Variants in TBCEL observed in about 807,000 individuals in gnomAD.
The protein encoded by TBCEL is tubulin folding cofactor E like.
TBCEL carries 15 observed loss-of-function variants against 44.2 expected under a neutral mutation model. That is an observed-to-expected ratio of 0.34 (90% CI 0.23 to 0.52). TBCEL has a LOEUF of 0.52. TBCEL is among the 20% of genes least tolerant of loss of function. The probability of loss-of-function intolerance (pLI) is 0.95; values close to 1 mark genes in which losing one functional copy is unlikely to be tolerated. For synonymous variants in TBCEL, 171 were observed against 185.4 expected, an observed-to-expected ratio of 0.92 and a Z score of 0.63; for missense variants, 319 against 506.3, an observed-to-expected ratio of 0.63 and a Z score of 3.55.
intron 8 of TBCEL, among the ~76,000 whole-genome samples, chr11:121,063,237 G>C (rs1362311783): frequency 6.6e-6 from 1 of 151,930 alleles, no homozygotes. Flanking sequence ...TGTTTCCTCT[G>C]ATCTTGGGAC....
chr11:121,073,491 G>A (rs975783829), intron 8 of TBCEL, among the ~76,000 whole-genome samples: 1 of 151,734 alleles, frequency 6.6e-6, no homozygotes, highest in African/African-American at 2.4e-5. Context: ...TGCTGATCCT[G>A]TGTCTGTCAG....
rs1945599233 is a variant in TBCEL at position 121,055,290 on chromosome 11, A to G, written c.694A>G (p.Ile232Val). The change falls in exon 6 of 9, where the codon ATC becomes GTC. Residue 232 changes from isoleucine (I) to valine (V), a missense_variant. By Grantham distance (29) the Ile-to-Val change is conservative. Coordinates refer to ENST00000683345, the MANE Select transcript of TBCEL (RefSeq NM_001363644.2). ...LARLFPNLRS[I>V]SLHKSGLQSW... ...CAGGTTGTTTCCTAATCTTCGATCC[A>G]TCAGCCTCCACAAGTCAGGTGAGGT... 1.2e-6 allele frequency: 2 copies of G among 1,609,738 alleles called. No individual in the cohort carries two copies. Among genetic ancestry groups the G allele is most frequent in the Non-Finnish European group, 1.7e-6 (2 of 1,177,770 alleles).
At chr11:121,072,049 C>T (rs1018977660) in intron 8 of TBCEL, among the ~76,000 whole-genome samples, 7 of 152,304 alleles carry the variant, frequency 4.6e-5, no homozygotes, top group Admixed American at 3.3e-4. Flanking sequence ...CATTCTCCTT[C>T]GTGCACCATG....
chr11:121,025,744 C>G (rs1238100119), intron 1 of TBCEL, among the ~76,000 whole-genome samples: 1 of 148,168 alleles, frequency 6.7e-6, no homozygotes, highest in Non-Finnish European at 1.5e-5. Flanking sequence ...TTATTTTGGC[C>G]GGGGGAGAGG....
At chr11:121,035,132 A>G (rs1945208425) in intron 1 of TBCEL, 1 of 152,204 alleles carries the variant, frequency 6.6e-6, no homozygotes, top group African/African-American at 2.4e-5. Context: ...GGTAGTAGTA[A>G]TAGGGGAAGC....
chr11:121,090,460 A>G lies in TBCEL; in HGVS notation c.*3364A>G, dbSNP rs754571734. 6.6e-6 allele frequency: 1 copy of G among 152,044 alleles called. No homozygotes were observed. The highest frequency in any genetic ancestry group is 1.5e-5 in the Non-Finnish European group (1 of 68,004). The allele number at this position is 152,044 out of a possible 1,614,324, so 9.4% of individuals were successfully genotyped here. On this transcript the variant is annotated 3_prime_UTR_variant, in exon 9 of 9. Transcript: ENST00000683345. ...TGAATTTGATTTTTCCCTTCATTTC[A>G]TGTCATATTGAAAATGCAAACAAAC...
At chr11:121,031,627 G>T in intron 1 of TBCEL, among the ~76,000 whole-genome samples, 1 of 137,282 alleles carries the variant, frequency 7.3e-6, no homozygotes, top group Non-Finnish European at 1.6e-5. Flanking sequence ...TGTTTTTAAT[G>T]TCTTTTGATG....
chr11:121,052,604 A>G (rs186961916), intron 4 of TBCEL, among the ~76,000 whole-genome samples: 55 of 151,968 alleles, frequency 3.6e-4, no homozygotes, highest in African/African-American at 1.3e-3. Context: ...CATTTATTTC[A>G]TACTTGTTTA....
chr11:121,039,325 T>C (rs1006697538), intron 2 of TBCEL, among the ~76,000 whole-genome samples: 3 of 152,254 alleles, frequency 2.0e-5, no homozygotes, highest in Admixed American at 2.0e-4. Context: ...ACTTCCTTGA[T>C]CACACTTCTG....
intron 8 of TBCEL, among the ~76,000 whole-genome samples, chr11:121,060,375 A>C (rs1171523558): frequency 6.6e-6 from 1 of 151,752 alleles, no homozygotes; most frequent in Admixed American, 6.6e-5. Context: ...TTCTTTTTTG[A>C]TCTTTTTCTT....
chr11:121,088,557 G>A lies in TBCEL; in HGVS notation c.*1461G>A, dbSNP rs923006609. On this transcript the variant is annotated 3_prime_UTR_variant, in exon 9 of 9. Transcript: ENST00000683345. ...ATACTTAGCATAACTGGGGCAGAAA[G>A]TGTGTAAGTGAAGTATTTTTCAAAG... 6.6e-6 allele frequency: 1 copy of A among 152,194 alleles called. No individual in the cohort carries two copies. The highest frequency in any genetic ancestry group is 2.4e-5 in the African/African-American group (1 of 41,456). The allele number at this position is 152,194 out of a possible 1,614,324, so 9.4% of individuals were successfully genotyped here. A position where few individuals can be genotyped will look rare whatever the true frequency, so the allele number is the denominator to read the frequency against.
chr11:121,032,840 T>G (rs987565573), intron 1 of TBCEL, among the ~76,000 whole-genome samples: 1 of 152,210 alleles, frequency 6.6e-6, no homozygotes, highest in Non-Finnish European at 1.5e-5. Context: ...ACTCAAATTT[T>G]TTGTCACTTT....
At chr11:121,067,873 A>C (rs952834503) in intron 8 of TBCEL, among the ~76,000 whole-genome samples, 6 of 152,246 alleles carry the variant, frequency 3.9e-5, no homozygotes. Flanking sequence ...ACTAAGGACC[A>C]AGAGGCACTG....
At chr11:121,028,222 T>G (rs1269121296) in intron 1 of TBCEL, among the ~76,000 whole-genome samples, 6 of 148,450 alleles carry the variant, frequency 4.0e-5, no homozygotes, top group Non-Finnish European at 6.0e-5. Context: ...AATAAATAAA[T>G]AAAATAAAAT....
Position 121,087,238 on chromosome 11 carries a change from C to A in TBCEL, c.*142C>A. On this transcript the variant is annotated 3_prime_UTR_variant, in exon 9 of 9. Transcript: ENST00000683345. ...TTTGGGAAGGATTTTGTATATTTTT[C>A]CCCCTGGAGTGAGTAGGGGCCATTT... The A allele has an allele frequency of 1.1e-6, 1 of 911,118 alleles. No homozygotes were observed. Among genetic ancestry groups the A allele is most frequent in the Non-Finnish European group, 1.6e-6 (1 of 622,664 alleles). The allele number at this position is 911,118 out of a possible 1,614,324, so 56.4% of individuals were successfully genotyped here.
chr11:121,064,263 C>T (rs991058301), intron 8 of TBCEL, among the ~76,000 whole-genome samples: 29 of 152,322 alleles, frequency 1.9e-4, no homozygotes, highest in African/African-American at 6.7e-4. Flanking sequence ...TCTACTCTTA[C>T]AAAGGATAAC....
At position 121,047,539 on chromosome 11, in the gene TBCEL, C is replaced by T; in HGVS notation, c.145C>T (p.Leu49Phe). The part of the protein sequence containing the change: ...QGSPMKDRLN[L>F]PSVLVLNSCG... ...CTCTCATCATTCAGATCGCCTCAAC[C>T]TCCCAAGTGTACTAGTGTTGAACAG... The change falls in exon 4 of 9, where the codon CTC becomes TTC. Residue 49 changes from leucine to phenylalanine, a missense_variant. Transcript: ENST00000683345. The T allele has an allele frequency of 6.2e-7, 1 of 1,612,240 alleles. No homozygotes were observed. Among genetic ancestry groups the T allele is most frequent in the Non-Finnish European group, 8.5e-7 (1 of 1,178,820 alleles).
chr11:121,051,333 T>C (rs1412245998), intron 4 of TBCEL, among the ~76,000 whole-genome samples: 1 of 151,802 alleles, frequency 6.6e-6, no homozygotes, highest in Non-Finnish European at 1.5e-5. Flanking sequence ...TTCCTCTTTA[T>C]TATAAAAATA....
intron 7 of TBCEL, among the ~76,000 whole-genome samples, chr11:121,059,387 A>G (rs1055273927): frequency 4.0e-5 from 6 of 151,764 alleles, no homozygotes; most frequent in Non-Finnish European, 8.8e-5. Context: ...TTTACTGACT[A>G]CTCTCTAGAC....
Sources: gnomAD v4.1 joint callset for allele counts (sites outside exome capture counted in the v4.1 genomes callset) on GRCh38, gnomAD v4.1.1 for gene constraint, MANE v1.5 for transcripts, NCBI Gene and HGNC (gene_info 2026-07-23, HGNC 2026-07-21) for gene names.